The following RAB35 variants were observed in gnomAD, a reference collection of about 807,000 sequenced individuals.
RAB35 encodes ras-related protein Rab-35.
Under a neutral mutation model 28.9 loss-of-function variants are expected in RAB35, and 4 were observed. The ratio of observed to expected loss-of-function variants is 0.14; its 90% CI spans 0.07 to 0.32. The LOEUF (loss-of-function observed/expected upper bound fraction) is 0.32, where lower values mean the gene tolerates loss of function less well. Among genes scored for constraint, RAB35 ranks in the 10% least tolerant of loss-of-function variants. The pLI, the probability that RAB35 is intolerant of heterozygous loss-of-function variation, is 1.00. For missense variants in RAB35, 128 were observed against 274.0 expected (o/e 0.47, Z 3.76); for synonymous variants, 99 against 105.1 (o/e 0.94, Z 0.35).
chr12:120,114,841 T>C (rs1014272991), intron 1 of RAB35, among the ~76,000 whole-genome samples: 2 of 152,344 alleles, frequency 1.3e-5, no homozygotes, highest in East Asian at 3.9e-4. Flanking sequence ...GGCTTTTCAC[T>C]GTTGGATATC....
chr12:120,108,594 C>G (rs1427387469), intron 1 of RAB35, 127 bp from the exon 2 acceptor site: 1 of 816,446 alleles, frequency 1.2e-6, no homozygotes, highest in Non-Finnish European at 2.1e-6. Flanking sequence ...CAGCTCACTT[C>G]TCAATGCTCT....
At position 120,103,858 on chromosome 12, in the gene RAB35, C is replaced by T. The variant is rs764017696; in HGVS notation, c.195G>A (p.Ala65=). ...EKVKLQIWDT[A]GQERFRTITS... ...TGATGGTGCGGAAGCGCTCCTGCCCCGCTGTGTCCCAGATCTGCAGCTTCA... is the reference window on the plus strand; with the variant it reads ...TGATGGTGCGGAAGCGCTCCTGCCCTGCTGTGTCCCAGATCTGCAGCTTCA... The change falls in exon 3 of 6, where the codon GCG becomes GCA. Residue 65 remains alanine, a synonymous_variant. Transcript: ENST00000229340. This position sits in a 1 kb window ranked among gnomAD's most constrained non-coding sequence, Gnocchi z 6.1. 5.0e-6 allele frequency: 8 copies of T among 1,614,114 alleles called. No homozygotes were observed. Among genetic ancestry groups the T allele is most frequent in the South Asian group, 2.2e-5 (2 of 91,080 alleles).
At position 120,097,219 on chromosome 12, in the gene RAB35, C is replaced by T. The variant is rs1272219669; in HGVS notation, c.*26G>A. 2.5e-6 allele frequency: 4 copies of T among 1,614,132 alleles called. No individual in the cohort carries two copies. The highest frequency in any genetic ancestry group is 2.5e-6 in the Non-Finnish European group (3 of 1,180,034). On this transcript the variant is annotated 3_prime_UTR_variant, in exon 6 of 6. Transcript: ENST00000229340. ...TCGGGCTGGGGGAGGGACCGCAGTG[C>T]AGTCTCTGCAGTGGACTGGGTGCCA...
chr12:120,097,042 T>C lies in RAB35; in HGVS notation c.*203A>G. The C allele has an allele frequency of 6.6e-7, 1 of 1,520,476 alleles. No homozygotes were observed. Among genetic ancestry groups the C allele is most frequent in the Non-Finnish European group, 8.8e-7 (1 of 1,137,242 alleles). The allele number at this position is 1,520,476 out of a possible 1,614,324, so 94.2% of individuals were successfully genotyped here. ...TTGGCCGGGGAGGAGGGGGCACCAG[T>C]AGGGAAGGGCGGGCTGGTCCAACAC... On this transcript the variant is annotated 3_prime_UTR_variant, in exon 6 of 6. Coordinates refer to ENST00000229340, the MANE Select transcript of RAB35 (RefSeq NM_006861.7).
At chr12:120,106,421 A>G (rs1156315409) in intron 2 of RAB35, among the ~76,000 whole-genome samples, 1 of 152,120 alleles carries the variant, frequency 6.6e-6, no homozygotes, top group African/African-American at 2.4e-5. Flanking sequence ...TACTTTACAC[A>G]TGAACTGAGG....
At chr12:120,101,176 A>G (rs1288748720) in intron 3 of RAB35, among the ~76,000 whole-genome samples, 1 of 152,134 alleles carries the variant, frequency 6.6e-6, no homozygotes, top group African/African-American at 2.4e-5. Flanking sequence ...AATCACCTTC[A>G]CTCACAGGGA....
In RAB35 at chr12:120,108,523, C is replaced by T. The variant is rs1194803551; in HGVS notation, c.53-56G>A. Reference sequence around the variant, plus strand: ...GGCAGGTGGGTCCCCTCCCCGCAGCCCCAGCCCTTCTTCCGGGAGAGGATG... The same window carrying T: ...GGCAGGTGGGTCCCCTCCCCGCAGCTCCAGCCCTTCTTCCGGGAGAGGATG... On this transcript the variant is annotated intron_variant, in intron 1 of 5. Transcript: ENST00000229340. 5 of 1,522,104 alleles carry T rather than the reference C, an allele frequency of 3.3e-6. No homozygotes were observed. The East Asian group carries it at 9.1e-5, about 28-fold the overall frequency. 94.3% of individuals were successfully genotyped at this position (1,522,104 alleles called of 1,614,324 possible).
rs567815133 is a variant in RAB35 at position 120,111,667 on chromosome 12, C to T, written c.53-3200G>A. On this transcript the variant is annotated intron_variant, in intron 1 of 5. Coordinates refer to ENST00000229340, the MANE Select transcript of RAB35 (RefSeq NM_006861.7). ...CTGCACTCCAGCCTGGGCGACAGAG[C>T]GAGACTCCATCTCAAAAAAAAAAAG... is the stretch of plus-strand genomic sequence containing the variant. Among the ~76,000 whole-genome samples, 254 of 150,924 alleles carry T rather than the reference C, an allele frequency of 1.7e-3. 2 individuals are homozygous for T. The highest frequency in any genetic ancestry group is 5.5e-3 in the African/African-American group (226 of 41,090).
chr12:120,099,243 C>A, intron 3 of RAB35, 89 bp from the exon 4 acceptor site: 1 of 1,545,070 alleles, frequency 6.5e-7, no homozygotes, highest in Non-Finnish European at 8.8e-7. Context: ...GGACACTGAC[C>A]CGGAAAAGGT....
intron 5 of RAB35, 72 bp from the exon 6 acceptor site, chr12:120,097,445 T>G: frequency 1.5e-6 from 2 of 1,293,206 alleles, no homozygotes; most frequent in Non-Finnish European, 2.2e-6. Flanking sequence ...CACGGCTGCC[T>G]CCCCGCCTTC....
intron 1 of RAB35, 58 bp downstream of exon 1, chr12:120,116,517 TCCCCGCCCGCCTGCCGCCCCGAGG>T: frequency 1.3e-6 from 1 of 778,544 alleles, no homozygotes; most frequent in Non-Finnish European, 1.6e-6. Flanking sequence ...GGCCGGCACC[TCCCCGCCCGCCTGCCGCCCCGAGG>T]CCCCCGCGGG....
rs1267919572 is a variant in RAB35 at position 120,096,551 on chromosome 12, A to G, written c.*694T>C. 7.8e-7 allele frequency: 1 copy of G among 1,289,780 alleles called. No homozygotes were observed. Among genetic ancestry groups the G allele is most frequent in the Admixed American group, 2.3e-5 (1 of 43,572 alleles). 79.9% of individuals were successfully genotyped at this position (1,289,780 alleles called of 1,614,324 possible). ...CTGGGTTTGGAGCTCAGAGGCATCTAGAAGGCAGGACAAGAAATCTGTTGG... is the reference window on the plus strand; with the variant it reads ...CTGGGTTTGGAGCTCAGAGGCATCTGGAAGGCAGGACAAGAAATCTGTTGG... On this transcript the variant is annotated 3_prime_UTR_variant, in exon 6 of 6. Transcript: ENST00000229340.
At chr12:120,113,275 C>T (rs1023136377) in intron 1 of RAB35, among the ~76,000 whole-genome samples, 4 of 151,318 alleles carry the variant, frequency 2.6e-5, no homozygotes, top group African/African-American at 7.3e-5. Context: ...GTGTTCCTCC[C>T]GCCTCATCCT....
intron 2 of RAB35, among the ~76,000 whole-genome samples, chr12:120,104,655 T>G (rs1175464483): frequency 1.3e-5 from 2 of 150,762 alleles, no homozygotes; most frequent in Non-Finnish European, 3.0e-5. Context: ...TTTTTTTTGG[T>G]GGGGGGGGGA....
chr12:120,108,192 G>A (rs1056752006), intron 2 of RAB35, among the ~76,000 whole-genome samples: 3 of 152,140 alleles, frequency 2.0e-5, no homozygotes, highest in Non-Finnish European at 4.4e-5. Context: ...AAAATGATGG[G>A]CCAGCCAAAG....
Position 120,096,293 on chromosome 12 carries a change from TAAAAACAG to T in RAB35, c.*944_*951del. On this transcript the variant is annotated 3_prime_UTR_variant, in exon 6 of 6. Coordinates refer to ENST00000229340, the MANE Select transcript of RAB35 (RefSeq NM_006861.7). ...TGGCAGGAAGCCATTCATTTTTTTC[TAAAAACAG>T]TGGACACAAGTGGGGTGGCCTCAAC... 1.5e-6 allele frequency: 1 copy of T among 652,792 alleles called. No homozygotes were observed. The highest frequency in any genetic ancestry group is 3.7e-5 in the Admixed American group (1 of 27,238). 40.4% of individuals were successfully genotyped at this position (652,792 alleles called of 1,614,324 possible).
chr12:120,102,099 C>T lies in RAB35; in HGVS notation c.227+1727G>A, dbSNP rs563199405. Among the ~76,000 whole-genome samples, 50 of 152,330 alleles carry T rather than the reference C, an allele frequency of 3.3e-4. No individual in the cohort carries two copies. The East Asian group carries it at 9.5e-3, about 29-fold the overall frequency. On this transcript the variant is annotated intron_variant, in intron 3 of 5. Transcript: ENST00000229340. ...AGGGGCGCCACCTGCCCAGTCGATGCAGGGCCTCGGCAGACTCAGGGCCAA... is the reference window on the plus strand; with the variant it reads ...AGGGGCGCCACCTGCCCAGTCGATGTAGGGCCTCGGCAGACTCAGGGCCAA...
intron 1 of RAB35, among the ~76,000 whole-genome samples, chr12:120,112,007 G>C (rs1297194208): frequency 6.7e-6 from 1 of 149,334 alleles, no homozygotes; most frequent in Non-Finnish European, 1.5e-5. Context: ...TTTAAATGGA[G>C]TCTCACTCTG....
At chr12:120,101,424 C>T (rs940159099) in intron 3 of RAB35, among the ~76,000 whole-genome samples, 5 of 152,304 alleles carry the variant, frequency 3.3e-5, no homozygotes, top group South Asian at 4.1e-4. Context: ...CTCTCAGGGC[C>T]GGCAAACCTC....
Sources: gnomAD v4.1 joint callset for allele counts (sites outside exome capture counted in the v4.1 genomes callset) on GRCh38, gnomAD v4.1.1 for gene constraint, Gnocchi (gnomAD v3.1) non-coding constraint, MANE v1.5 for transcripts, NCBI Gene and HGNC (gene_info 2026-07-23, HGNC 2026-07-21) for gene names.